ARPP21: variants seen among roughly 807,000 people sequenced by gnomAD.
ARPP21 encodes cAMP-regulated phosphoprotein 21.
In ARPP21, 69 loss-of-function variants were observed where a neutral mutation model predicts 113.2. The ratio of observed to expected loss-of-function variants is 0.61; its 90% CI spans 0.50 to 0.74. The LOEUF is 0.74. ARPP21 is among the 30% of genes least tolerant of loss of function. The probability of loss-of-function intolerance (pLI) is 0.00; values close to 1 mark genes in which losing one functional copy is unlikely to be tolerated. For missense variants in ARPP21, 1,070 were observed against 1,037.4 expected (o/e 1.03, Z -0.43); for synonymous variants, 368 against 375.5 (o/e 0.98, Z 0.23).
chr3:35,670,451 G>A (rs1240456186), intron 1 of ARPP21, among the ~76,000 whole-genome samples: 2 of 152,052 alleles, frequency 1.3e-5, no homozygotes, highest in Admixed American at 6.6e-5. Context: ...TGACATCATC[G>A]GGTCATATCA....
chr3:35,769,909 T>C (rs1167502499), intron 19 of ARPP21, among the ~76,000 whole-genome samples: 4 of 152,148 alleles, frequency 2.6e-5, no homozygotes, highest in Non-Finnish European at 5.9e-5. Context: ...TACAAACAAT[T>C]TATTGCTAAC....
At chr3:35,650,970 T>C (rs1702147637) in intron 1 of ARPP21, among the ~76,000 whole-genome samples, 1 of 152,128 alleles carries the variant, frequency 6.6e-6, no homozygotes, top group Non-Finnish European at 1.5e-5. Context: ...CAAGTTATTC[T>C]TTGAATTTGT....
intron 19 of ARPP21, among the ~76,000 whole-genome samples, chr3:35,766,967 T>C (rs2096003673): frequency 6.6e-6 from 1 of 152,192 alleles, no homozygotes. Flanking sequence ...GCAATTACTA[T>C]AATGGTGTGA....
intron 11 of ARPP21, among the ~76,000 whole-genome samples, chr3:35,709,676 T>C (rs2090416833): frequency 6.6e-6 from 1 of 152,114 alleles, no homozygotes; most frequent in African/African-American, 2.4e-5. Flanking sequence ...ATGGTCAAGA[T>C]AAAATGCAAT....
At chr3:35,777,067 T>C (rs1347574489) in intron 19 of ARPP21, among the ~76,000 whole-genome samples, 1 of 152,192 alleles carries the variant, frequency 6.6e-6, no homozygotes. Context: ...ACCTCGGCTC[T>C]TGTGGAAATT....
At chr3:35,655,360 T>TCTTTGTGAATTCACTTTTTTC (rs1704364192) in intron 1 of ARPP21, among the ~76,000 whole-genome samples, 2 of 152,036 alleles carry the variant, frequency 1.3e-5, no homozygotes, top group Non-Finnish European at 2.9e-5. Context: ...CTACTTTTTT[T>TCTTTGTGAATTCACTTTTTTC]CTTTCTGAAT....
intron 19 of ARPP21, among the ~76,000 whole-genome samples, chr3:35,780,369 A>C (rs545517421): frequency 6.6e-6 from 1 of 152,314 alleles, no homozygotes; most frequent in South Asian, 2.1e-4. Context: ...TGGGGAGTGC[A>C]AAGAATGAGG....
intron 9 of ARPP21, among the ~76,000 whole-genome samples, chr3:35,694,203 G>T (rs1202321983): frequency 2.6e-5 from 4 of 151,450 alleles, no homozygotes; most frequent in African/African-American, 4.8e-5. Flanking sequence ...TTCACATAAA[G>T]TTCAAAATAT....
chr3:35,764,155 A>G (rs528406179), intron 19 of ARPP21, among the ~76,000 whole-genome samples: 66 of 152,290 alleles, frequency 4.3e-4, no homozygotes, highest in Middle Eastern at 3.4e-3. Context: ...CTCATAGAAG[A>G]TTATGGCAAA....
At chr3:35,663,040 A>T (rs1389336861) in intron 1 of ARPP21, among the ~76,000 whole-genome samples, 1 of 152,116 alleles carries the variant, frequency 6.6e-6, no homozygotes, top group Non-Finnish European at 1.5e-5. Flanking sequence ...TAACAAAAAG[A>T]TACTGTACTC....
chr3:35,684,268 G>T, intron 5 of ARPP21: 3 of 1,193,306 alleles, frequency 2.5e-6, no homozygotes, highest in Non-Finnish European at 2.1e-6. Flanking sequence ...AGTGAATAAG[G>T]TGCATTTAAC....
chr3:35,729,223 A>G, intron 14 of ARPP21, 80 bp from the exon 15 acceptor site: 1 of 943,208 alleles, frequency 1.1e-6, no homozygotes, highest in Non-Finnish European at 1.7e-6. Flanking sequence ...TGTCGCAGAA[A>G]AGTGAGCATT....
intron 1 of ARPP21, among the ~76,000 whole-genome samples, chr3:35,660,632 T>G (rs1173127576): frequency 1.3e-5 from 2 of 152,172 alleles, no homozygotes; most frequent in African/African-American, 4.8e-5. Context: ...TAACAAGAGG[T>G]TAAGATAATG....
At chr3:35,686,962 A>G (rs756841983) in intron 5 of ARPP21, among the ~76,000 whole-genome samples, 1 of 151,456 alleles carries the variant, frequency 6.6e-6, no homozygotes, top group African/African-American at 2.4e-5. Flanking sequence ...TAAATGGCCA[A>G]TCTTAAATCA....
intron 18 of ARPP21, among the ~76,000 whole-genome samples, chr3:35,741,913 A>G (rs571537703): frequency 6.6e-6 from 1 of 152,332 alleles, no homozygotes; most frequent in South Asian, 2.1e-4. Context: ...CTAAGAGCTA[A>G]CCAAAGCGCC....
intron 1 of ARPP21, among the ~76,000 whole-genome samples, chr3:35,643,172 C>A (rs539921118): frequency 2.6e-4 from 39 of 151,932 alleles, no homozygotes; most frequent in Non-Finnish European, 4.9e-4. Flanking sequence ...TTCTTTTGTT[C>A]AGAGTAAAGC....
intron 15 of ARPP21, among the ~76,000 whole-genome samples, chr3:35,731,329 T>C (rs1357245452): frequency 2.6e-5 from 4 of 152,212 alleles, no homozygotes; most frequent in Non-Finnish European, 4.4e-5. Context: ...TTCTTTTTCA[T>C]TGGACCGAGT....
intron 15 of ARPP21, 85 bp from the exon 16 acceptor site, chr3:35,737,093 C>T: frequency 1.3e-6 from 1 of 797,784 alleles, no homozygotes; most frequent in South Asian, 1.8e-5. Flanking sequence ...CTTTAGGTTA[C>T]TTTTTGAGTA....
At chr3:35,686,749 G>C (rs1055533682) in intron 5 of ARPP21, among the ~76,000 whole-genome samples, 25 of 151,604 alleles carry the variant, frequency 1.6e-4, no homozygotes, top group Admixed American at 4.6e-4. Context: ...ATAAGAATAA[G>C]TGGGCTTAAC....
Sources: gnomAD v4.1 joint callset for allele counts (sites outside exome capture counted in the v4.1 genomes callset) on GRCh38, gnomAD v4.1.1 for gene constraint, MANE v1.5 for transcripts, NCBI Gene and HGNC (gene_info 2026-07-23, HGNC 2026-07-21) for gene names.